The following FRMD6 variants were observed in gnomAD, a reference collection of about 807,000 sequenced individuals.
FRMD6 encodes the protein FERM domain-containing protein 6.
In FRMD6, 37 loss-of-function variants were observed where a neutral mutation model predicts 73.2. That is an observed-to-expected ratio of 0.51 (90% CI 0.39 to 0.66). The LOEUF (loss-of-function observed/expected upper bound fraction) is 0.66, where lower values mean the gene tolerates loss of function less well. Among genes scored for constraint, FRMD6 ranks in the 30% least tolerant of loss-of-function variants. The pLI, the probability that FRMD6 is intolerant of heterozygous loss-of-function variation, is 0.00. For missense variants in FRMD6, 714 were observed against 780.5 expected (o/e 0.91, Z 1.02); for synonymous variants, 273 against 282.2 (o/e 0.97, Z 0.33).
chr14:51,576,790 T>TGG (rs1888429020), intron 2 of FRMD6, among the ~76,000 whole-genome samples: 1 of 152,204 alleles, frequency 6.6e-6, no homozygotes. Context: ...ACTTGGGCCA[T>TGG]CTTGTCTGGC....
At chr14:51,652,744 C>A (rs1458795507) in intron 1 of FRMD6, among the ~76,000 whole-genome samples, 3 of 152,160 alleles carry the variant, frequency 2.0e-5, no homozygotes, top group Non-Finnish European at 2.9e-5. Context: ...GAGCCCCAGG[C>A]GAACAGGAGC....
chr14:51,691,190 ATTCT>A (rs1180338563), intron 2 of FRMD6, among the ~76,000 whole-genome samples: 1 of 152,158 alleles, frequency 6.6e-6, no homozygotes, highest in Admixed American at 6.5e-5. Context: ...TGTGACAATA[ATTCT>A]TTCTTTTACA....
the FRMD6 span, among the ~76,000 whole-genome samples, chr14:51,470,653 A>G: frequency 5.9e-5 from 9 of 152,082 alleles, no homozygotes; most frequent in Middle Eastern, 3.4e-3. Context: ...ATTTTTACTT[A>G]TATGCATTTT....
At chr14:51,398,368 G>A in the FRMD6 span, among the ~76,000 whole-genome samples, 2 of 152,002 alleles carry the variant, frequency 1.3e-5, no homozygotes, top group African/African-American at 4.8e-5. Flanking sequence ...AGAAGTCATG[G>A]TCTTCAGACA....
upstream of FRMD6, among the ~76,000 whole-genome samples, chr14:51,486,938 T>G (rs944899599): frequency 3.2e-5 from 1 of 31,456 alleles, no homozygotes; most frequent in Non-Finnish European, 6.7e-5. Flanking sequence ...ATAAAACCGT[T>G]TTTTTTTTTT....
At chr14:51,719,984 C>T in intron 10 of FRMD6, 71 bp from the exon 11 acceptor site, 1 of 1,152,740 alleles carries the variant, frequency 8.7e-7, no homozygotes, top group Non-Finnish European at 1.2e-6. Context: ...TGTTCTTGGC[C>T]TGATGAGTCA....
At chr14:51,718,409 A>G (rs1479709569) in intron 10 of FRMD6, among the ~76,000 whole-genome samples, 1 of 152,254 alleles carries the variant, frequency 6.6e-6, no homozygotes, top group African/African-American at 2.4e-5. Context: ...CTTTTAAATT[A>G]TTAGGTCCAC....
At chr14:51,579,356 A>C (rs1385296714) in intron 2 of FRMD6, 1 of 151,942 alleles carries the variant, frequency 6.6e-6, no homozygotes, top group East Asian at 1.9e-4. Flanking sequence ...CTCTATCCTC[A>C]CCTCACTTTA....
chr14:51,650,199 A>C (rs1018119529), upstream of FRMD6: 1 of 152,352 alleles, frequency 6.6e-6, no homozygotes, highest in East Asian at 1.9e-4. Context: ...AAAAGATCAC[A>C]GTTCCTAATA....
chr14:51,522,512 T>G (rs994242745), intron 1 of FRMD6, among the ~76,000 whole-genome samples: 1 of 152,172 alleles, frequency 6.6e-6, no homozygotes, highest in African/African-American at 2.4e-5. Context: ...CATGTTTTGG[T>G]AGGGGCAGCA....
chr14:51,523,338 GA>G (rs1276907624), intron 1 of FRMD6, among the ~76,000 whole-genome samples: 1 of 151,914 alleles, frequency 6.6e-6, no homozygotes, highest in East Asian at 1.9e-4. Flanking sequence ...AAAACAGGCA[GA>G]AAAAAAAGGT....
intron 3 of FRMD6, among the ~76,000 whole-genome samples, chr14:51,700,189 T>A (rs916985883): frequency 6.6e-6 from 1 of 151,946 alleles, no homozygotes; most frequent in Non-Finnish European, 1.5e-5. Context: ...TTAGTGATAG[T>A]TAGAATAAAA....
At chr14:51,713,657 C>T (rs1196981177) in intron 9 of FRMD6, 1 of 152,114 alleles carries the variant, frequency 6.6e-6, no homozygotes, top group African/African-American at 2.4e-5. Flanking sequence ...TGGGCATTGA[C>T]TCCATGCTGC....
chr14:51,611,997 G>A (rs1241271385), intron 2 of FRMD6, among the ~76,000 whole-genome samples: 2 of 152,104 alleles, frequency 1.3e-5, no homozygotes, highest in African/African-American at 2.4e-5. Context: ...AGAAAACTGG[G>A]AAGAATTATA....
intron 1 of FRMD6, among the ~76,000 whole-genome samples, chr14:51,518,174 T>A (rs1214618646): frequency 6.6e-6 from 1 of 152,210 alleles, no homozygotes; most frequent in Non-Finnish European, 1.5e-5. Context: ...ATATCAAAAC[T>A]TAATCAAAAC....
At chr14:51,548,780 T>G (rs556589969) in intron 1 of FRMD6, among the ~76,000 whole-genome samples, 1 of 152,310 alleles carries the variant, frequency 6.6e-6, no homozygotes, top group Admixed American at 6.5e-5. Context: ...TTTCTGGTGT[T>G]CAGAAGTCCA....
the FRMD6 span, among the ~76,000 whole-genome samples, chr14:51,420,702 T>C: frequency 6.6e-6 from 1 of 152,202 alleles, no homozygotes; most frequent in Non-Finnish European, 1.5e-5. Flanking sequence ...TTAGGTATCA[T>C]AGTAATCTAG....
chr14:51,557,146 G>A (rs1887178213), intron 1 of FRMD6, among the ~76,000 whole-genome samples: 1 of 151,612 alleles, frequency 6.6e-6, no homozygotes, highest in Admixed American at 6.6e-5. Flanking sequence ...AAGGAAGAAA[G>A]GAAAGAAGGA....
chr14:51,684,069 A>C (rs188312373), intron 1 of FRMD6, among the ~76,000 whole-genome samples: 2 of 152,266 alleles, frequency 1.3e-5, no homozygotes, highest in East Asian at 3.9e-4. Flanking sequence ...GCCATGAAAC[A>C]GAGTGTTCAG....
Sources: gnomAD v4.1 joint callset for allele counts (sites outside exome capture counted in the v4.1 genomes callset) on GRCh38, gnomAD v4.1.1 for gene constraint, MANE v1.5 for transcripts, NCBI Gene and HGNC (gene_info 2026-07-23, HGNC 2026-07-21) for gene names.